Variants in PCDH10 observed in about 807,000 individuals in gnomAD.
The protein encoded by PCDH10 is protocadherin-10.
A neutral mutation model predicts 74.4 loss-of-function variants in PCDH10; 15 were observed. The observed-to-expected ratio is 0.20, with a 90% CI of 0.13 to 0.31. The LOEUF is 0.31. Ranked by LOEUF, PCDH10 falls within the 10% of genes least tolerant of loss-of-function variation. The pLI is 1.00. For synonymous variants in PCDH10, 619 were observed against 589.8 expected (o/e 1.05, Z -0.72); for missense variants, 1,260 against 1,390.2 (o/e 0.91, Z 1.49).
chr4:133,184,305 A>G (rs1439135972), intron 4 of PCDH10, among the ~76,000 whole-genome samples: 2 of 152,088 alleles, frequency 1.3e-5, no homozygotes, highest in African/African-American at 4.8e-5. Flanking sequence ...CTAGGAGAGT[A>G]TGAACCTTAT....
chr4:133,175,973 C>T (rs975867511), intron 4 of PCDH10, among the ~76,000 whole-genome samples: 5 of 152,102 alleles, frequency 3.3e-5, no homozygotes, highest in African/African-American at 9.7e-5. Context: ...TGAAGCACAA[C>T]GTGCTCACCT....
downstream of PCDH10, among the ~76,000 whole-genome samples, chr4:133,195,092 T>A (rs1727768554): frequency 6.6e-6 from 1 of 152,048 alleles, no homozygotes; most frequent in African/African-American, 2.4e-5. Context: ...AAAATCCGTA[T>A]GGGTATCATC....
chr4:133,167,952 T>A (rs1727120586), intron 4 of PCDH10, among the ~76,000 whole-genome samples: 2 of 151,396 alleles, frequency 1.3e-5, no homozygotes, highest in Admixed American at 1.3e-4. Flanking sequence ...CTGTTCATTT[T>A]CTCTATCTGA....
chr4:133,193,161 C>T lies in PCDH10; in HGVS notation c.*3001C>T, dbSNP rs1047822954. On this transcript the variant is annotated 3_prime_UTR_variant, in exon 5 of 5. Transcript: ENST00000264360. ...CAATTTTTAGAAAATATTTCATCCA[C>T]ATGTAGAATTCTAATTTTTAACGTG... 2 of 151,596 alleles carry T rather than the reference C, an allele frequency of 1.3e-5. No homozygotes were observed. Among genetic ancestry groups the T allele is most frequent in the Admixed American group, 6.6e-5 (1 of 15,186 alleles). 9.4% of individuals were successfully genotyped at this position (151,596 alleles called of 1,614,324 possible).
intron 3 of PCDH10, among the ~76,000 whole-genome samples, chr4:133,158,205 T>C: frequency 6.6e-6 from 1 of 152,296 alleles, no homozygotes; most frequent in East Asian, 1.9e-4. Context: ...AAAGCATAAT[T>C]ATTTCTTCTA....
chr4:133,188,137 T>C (rs1279195509), intron 4 of PCDH10, among the ~76,000 whole-genome samples: 4 of 152,086 alleles, frequency 2.6e-5, no homozygotes, highest in Non-Finnish European at 5.9e-5. Context: ...TTGAAAGGAG[T>C]AATATTATTT....
chr4:133,187,588 C>T (rs959928251), intron 4 of PCDH10, among the ~76,000 whole-genome samples: 2 of 151,992 alleles, frequency 1.3e-5, no homozygotes, highest in African/African-American at 2.4e-5. Context: ...ATCTGCATTA[C>T]TGAATTAACA....
intron 4 of PCDH10, among the ~76,000 whole-genome samples, chr4:133,181,722 C>G (rs1299106749): frequency 6.6e-6 from 1 of 151,838 alleles, no homozygotes; most frequent in Non-Finnish European, 1.5e-5. Context: ...CTTAGTCTGC[C>G]CTTCCTGCTT....
At chr4:133,162,603 GT>G (rs1333680356) in intron 3 of PCDH10, among the ~76,000 whole-genome samples, 2 of 152,114 alleles carry the variant, frequency 1.3e-5, no homozygotes, top group Middle Eastern at 3.4e-3. Flanking sequence ...TTTACACCTT[GT>G]TGTTTTATCT....
chr4:133,159,814 T>TA (rs1256141955), intron 3 of PCDH10, among the ~76,000 whole-genome samples: 1 of 151,974 alleles, frequency 6.6e-6, no homozygotes, highest in Non-Finnish European at 1.5e-5. Flanking sequence ...TTTGAGCTAT[T>TA]AAAAAATTGT....
chr4:133,173,181 A>C (rs1388308614), intron 4 of PCDH10, among the ~76,000 whole-genome samples: 1 of 152,032 alleles, frequency 6.6e-6, no homozygotes, highest in Non-Finnish European at 1.5e-5. Context: ...GAAATTTTAA[A>C]TAGAGTAAAG....
At position 133,163,239 on chromosome 4, in the gene PCDH10, A is replaced by C; in HGVS notation, c.3060A>C (p.Gly1020=). ...HSTLERKELD[G]LLTNTRAPYK... is the part of the protein sequence containing the mutation. Reference sequence around the variant, plus strand: ...CTCTGGAGAGGAAGGAGCTGGATGGACTGCTGACTAATACGCGAGCGCCTT... The same window carrying C: ...CTCTGGAGAGGAAGGAGCTGGATGGCCTGCTGACTAATACGCGAGCGCCTT... Residue 1020 remains glycine (G), a synonymous_variant, in exon 4 of 5, where the codon GGA becomes GGC. Transcript: ENST00000264360. 1.9e-6 allele frequency: 3 copies of C among 1,613,936 alleles called. No individual in the cohort carries two copies. Among genetic ancestry groups the C allele is most frequent in the Non-Finnish European group, 2.5e-6 (3 of 1,179,948 alleles).
chr4:133,206,677 G>T (rs1728010598), intron 2 of PCDH10, among the ~76,000 whole-genome samples: 1 of 152,012 alleles, frequency 6.6e-6, no homozygotes, highest in Non-Finnish European at 1.5e-5. Context: ...ATTTGTCATT[G>T]TAGCTTTTTC....
At chr4:133,154,238 C>T (rs1469526564) in intron 1 of PCDH10, 69 bp from the exon 2 acceptor site, 1 of 949,170 alleles carries the variant, frequency 1.1e-6, no homozygotes, top group Admixed American at 2.2e-5. Context: ...TAGTTCCTAA[C>T]CTCAAAAGTA....
rs572555344 is a variant in PCDH10 at position 133,184,803 on chromosome 4, T to C, written c.3104-5338T>C. Among the ~76,000 whole-genome samples the C allele has an allele frequency of 6.4e-5, 9 of 141,624 alleles. No homozygotes were observed. The South Asian group carries it at 1.5e-3, about 24-fold the overall frequency. 92.9% of individuals were successfully genotyped at this position (141,624 alleles called of 152,430 possible). A position where few individuals can be genotyped will look rare whatever the true frequency, so the allele number is the denominator to read the frequency against. On this transcript the variant is annotated intron_variant, in intron 4 of 4. Transcript: ENST00000264360. ...ATATATAAATATATATATTTATATATATATATTTATATATTTACACATGAG... is the reference window on the plus strand; with the variant it reads ...ATATATAAATATATATATTTATATACATATATTTATATATTTACACATGAG...
In PCDH10 at chr4:133,163,270, C is replaced by T. The variant is rs770096840; in HGVS notation, c.3091C>T (p.Pro1031Ser). The T allele has an allele frequency of 2.5e-6, 4 of 1,610,736 alleles. No individual in the cohort carries two copies. The South Asian group carries it at 4.4e-5, about 18-fold the overall frequency. ...LLTNTRAPYK[P>S]PYLTRKRIC ...GACTAATACGCGAGCGCCTTACAAA[C>T]CACCATATTTGAGTAAGTATTACAC... is the stretch of plus-strand genomic sequence containing the variant. Residue 1031 changes from proline to serine, a missense_variant, in exon 4 of 5, where the codon CCA becomes TCA. Transcript: ENST00000264360.
chr4:133,171,946 CTT>C (rs146237355), intron 4 of PCDH10, among the ~76,000 whole-genome samples: 5,671 of 151,878 alleles, frequency 0.037, 264 homozygotes, highest in African/African-American at 0.11. Context: ...TTACCTCAAT[CTT>C]TTTATTAAAA....
chr4:133,185,741 G>A (rs1727530151), intron 4 of PCDH10, among the ~76,000 whole-genome samples: 1 of 152,074 alleles, frequency 6.6e-6, no homozygotes, highest in Non-Finnish European at 1.5e-5. Context: ...AGAGATATTC[G>A]AAGGGTGTCC....
rs1265832475 is a variant in PCDH10 at position 133,192,048 on chromosome 4, CTGT to C, written c.*1890_*1892del. 12 of 150,876 alleles carry C rather than the reference CTGT, an allele frequency of 8.0e-5. No individual in the cohort carries two copies. Among genetic ancestry groups the C allele is most frequent in the Non-Finnish European group, 4.4e-5 (3 of 67,532 alleles). The allele number at this position is 150,876 out of a possible 1,614,324, so 9.3% of individuals were successfully genotyped here. ...TGATATATTGGTATCACTCATTTGA[CTGT>C]TATCAAATTAGATATTAATATATCA... On this transcript the variant is annotated 3_prime_UTR_variant, in exon 5 of 5. Coordinates refer to ENST00000264360, the MANE Select transcript of PCDH10 (RefSeq NM_032961.3).
Sources: gnomAD v4.1 joint callset for allele counts (sites outside exome capture counted in the v4.1 genomes callset) on GRCh38, gnomAD v4.1.1 for gene constraint, MANE v1.5 for transcripts, NCBI Gene and HGNC (gene_info 2026-07-23, HGNC 2026-07-21) for gene names.